Variants in GRAMD4 observed in about 807,000 individuals in gnomAD.
GRAMD4 encodes GRAM domain containing 4.
GRAMD4 carries 25 observed loss-of-function variants against 83.9 expected under a neutral mutation model. That is an observed-to-expected ratio of 0.30 (90% CI 0.22 to 0.42). The LOEUF (loss-of-function observed/expected upper bound fraction) is 0.42. GRAMD4 is among the 10% of genes least tolerant of loss of function. The pLI is 1.00. For missense variants in GRAMD4, 593 were observed against 788.7 expected (o/e 0.75, Z 2.97); for synonymous variants, 336 against 320.9 (o/e 1.05, Z -0.50).
At chr22:46,607,623 C>T (rs1601549951) in intron 1 of GRAMD4, among the ~76,000 whole-genome samples, 2 of 152,202 alleles carry the variant, frequency 1.3e-5, no homozygotes, top group Admixed American at 6.5e-5. Flanking sequence ...GCTCCATCTC[C>T]GCTGCCCGCA....
upstream of GRAMD4, among the ~76,000 whole-genome samples, chr22:46,616,706 AGGTTCCCCCGTGCG>A (rs2081502691): frequency 1.0e-5 from 1 of 99,484 alleles, no homozygotes; most frequent in African/African-American, 4.1e-5. Flanking sequence ...CTGTGCGTGT[AGGTTCCCCCGTGCG>A]TGTAGGTTCC....
intron 1 of GRAMD4, among the ~76,000 whole-genome samples, chr22:46,587,517 G>A (rs140225473): frequency 6.6e-6 from 1 of 151,828 alleles, no homozygotes; most frequent in Non-Finnish European, 1.5e-5. Flanking sequence ...CTTCCAACTA[G>A]GGGGATAGTC....
chr22:46,630,441 T>C (rs1420560370), intron 2 of GRAMD4, among the ~76,000 whole-genome samples: 1 of 152,232 alleles, frequency 6.6e-6, no homozygotes, highest in African/African-American at 2.4e-5. Context: ...TTCCACATGG[T>C]CTCGCTGGGC....
At chr22:46,629,783 G>T (rs1399610027) in intron 2 of GRAMD4, among the ~76,000 whole-genome samples, 1 of 152,152 alleles carries the variant, frequency 6.6e-6, no homozygotes, top group Non-Finnish European at 1.5e-5. Flanking sequence ...ACCTGAAAGA[G>T]ACCCCGTTCC....
chr22:46,665,287 A>G (rs1288728975), intron 8 of GRAMD4, among the ~76,000 whole-genome samples: 2 of 152,228 alleles, frequency 1.3e-5, no homozygotes, highest in Non-Finnish European at 2.9e-5. Context: ...TCGCCCAGCC[A>G]GGCTGAGTCC....
intron 8 of GRAMD4, 84 bp downstream of exon 8, chr22:46,664,201 TG>T (rs2147357259): frequency 2.0e-6 from 2 of 977,694 alleles, no homozygotes; most frequent in East Asian, 4.8e-5. Context: ...CTTCCCAGGG[TG>T]GGAGGTGGCC....
At chr22:46,626,555 C>G (rs1405090209) in intron 1 of GRAMD4, among the ~76,000 whole-genome samples, 196 bp from the exon 2 acceptor site, 1 of 151,782 alleles carries the variant, frequency 6.6e-6, no homozygotes, top group Non-Finnish European at 1.5e-5. Context: ...CTTTGGAAAG[C>G]TGGACCGGCC....
In GRAMD4 at chr22:46,676,716, G is replaced by C. The variant is rs376856260; in HGVS notation, c.1632+48G>C. 3.2e-4 allele frequency: 475 copies of C among 1,502,056 alleles called. 1 individual carries two copies. In the African/African-American group the frequency reaches 5.9e-3, roughly 19 times the overall value. The allele number at this position is 1,502,056 out of a possible 1,614,324, so 93.0% of individuals were successfully genotyped here. A position where few individuals can be genotyped will look rare whatever the true frequency, so the allele number is the denominator to read the frequency against. On this transcript the variant is annotated intron_variant, in intron 18 of 18. Transcript: ENST00000406902. ...CCAAGGGGTTGGTGTGGGCCCAGGG[G>C]CCTGACTCTGAGCAACCCTGGGACC...
intron 1 of GRAMD4, among the ~76,000 whole-genome samples, chr22:46,623,398 T>C (rs1422165802): frequency 6.6e-6 from 1 of 151,878 alleles, no homozygotes; most frequent in Non-Finnish European, 1.5e-5. Flanking sequence ...TTTTATTTTA[T>C]TTTTTTTGAC....
intron 13 of GRAMD4, among the ~76,000 whole-genome samples, chr22:46,671,382 A>T (rs2082502301): frequency 6.6e-6 from 1 of 152,208 alleles, no homozygotes; most frequent in Admixed American, 6.5e-5. Context: ...GTCTCTACCA[A>T]AAATACAAAA....
intron 3 of GRAMD4, among the ~76,000 whole-genome samples, chr22:46,645,092 G>A (rs2082055346): frequency 6.6e-6 from 1 of 151,662 alleles, no homozygotes; most frequent in African/African-American, 2.4e-5. Context: ...AGGAGTAGAG[G>A]ATGTTAGTAG....
chr22:46,633,048 C>T (rs1373767974), intron 2 of GRAMD4, among the ~76,000 whole-genome samples: 1 of 152,186 alleles, frequency 6.6e-6, no homozygotes, highest in Non-Finnish European at 1.5e-5. Context: ...TGGGCAGAGG[C>T]AGATGGGAGC....
chr22:46,665,531 C>T (rs2082394593), intron 8 of GRAMD4, 84 bp from the exon 9 acceptor site: 3 of 741,044 alleles, frequency 4.0e-6, no homozygotes, highest in Admixed American at 2.1e-5. Flanking sequence ...CCACTGGGGC[C>T]GCCTGGTGGG....
chr22:46,624,039 C>A (rs62233591), intron 1 of GRAMD4, among the ~76,000 whole-genome samples: 42,981 of 151,994 alleles, frequency 0.28, 6,515 homozygotes, highest in East Asian at 0.52. Flanking sequence ...ACCTCGGCCT[C>A]ACAAAATGCT....
At chr22:46,637,782 G>A (rs755350218) in intron 2 of GRAMD4, 58 bp from the exon 3 acceptor site, 29 of 1,594,890 alleles carry the variant, frequency 1.8e-5, no homozygotes, top group African/African-American at 2.7e-5. Flanking sequence ...GGAACTGAGT[G>A]GTGCAGACCC....
At chr22:46,661,347 AG>A (rs771391613) in intron 4 of GRAMD4, 33 bp from the exon 5 acceptor site, 4 of 1,583,762 alleles carry the variant, frequency 2.5e-6, no homozygotes, top group Non-Finnish European at 3.5e-6. Flanking sequence ...TGGAACTAAC[AG>A]ACCTCTTGTC....
chr22:46,658,338 T>C, intron 4 of GRAMD4, 31 bp downstream of exon 4: 2 of 1,559,114 alleles, frequency 1.3e-6, no homozygotes, highest in Non-Finnish European at 1.7e-6. Context: ...CCCTGGCCTG[T>C]GTGCGGCTGC....
intron 3 of GRAMD4, among the ~76,000 whole-genome samples, chr22:46,646,461 G>C (rs1243159325): frequency 6.6e-6 from 1 of 152,212 alleles, no homozygotes; most frequent in African/African-American, 2.4e-5. Flanking sequence ...TTTTAATGGA[G>C]GGGTCCTGGA....
At chr22:46,675,643 C>G (rs1009202291) in intron 17 of GRAMD4, 91 bp downstream of exon 17, 1 of 852,222 alleles carries the variant, frequency 1.2e-6, no homozygotes, top group Non-Finnish European at 2.0e-6. Context: ...CTTCTGCCAG[C>G]CTCTGTCAGC....
Sources: gnomAD v4.1 joint callset for allele counts (sites outside exome capture counted in the v4.1 genomes callset) on GRCh38, gnomAD v4.1.1 for gene constraint, MANE v1.5 for transcripts, NCBI Gene and HGNC (gene_info 2026-07-23, HGNC 2026-07-21) for gene names.